DPP9: variants seen among roughly 807,000 people sequenced by gnomAD.
The protein encoded by DPP9 is dipeptidyl peptidase IV-related protein-2.
DPP9 carries 50 observed loss-of-function variants against 110.7 expected under a neutral mutation model. The ratio of observed to expected loss-of-function variants is 0.45; its 90% CI spans 0.36 to 0.57. DPP9 has a LOEUF of 0.57. Ranked by LOEUF, DPP9 falls within the 20% of genes least tolerant of loss-of-function variation. The pLI, the probability that DPP9 is intolerant of heterozygous loss-of-function variation, is 0.00. For missense variants in DPP9, 1,022 were observed against 1,217.9 expected (o/e 0.84, Z 2.39); for synonymous variants, 561 against 514.4 (o/e 1.09, Z -1.23).
In DPP9 at chr19:4,688,908, G is replaced by C. The variant is rs1233230845; in HGVS notation, c.1750-16C>G. The C allele has an allele frequency of 6.6e-7, 1 of 1,512,634 alleles. No homozygotes were observed. Among genetic ancestry groups the C allele is most frequent in the Admixed American group, 2.5e-5 (1 of 39,450 alleles). 93.7% of individuals were successfully genotyped at this position (1,512,634 alleles called of 1,614,324 possible). The stretch of plus-strand genomic sequence containing the variant: ...TGTCGAAGTTCTGGGGGTGGAATGG[G>C]GTGATGAGCTCCACGGGATGCCGCT... On this transcript the variant is annotated splice_polypyrimidine_tract_variant and intron_variant, in intron 15 of 21. Transcript: ENST00000262960.
intron 2 of DPP9, among the ~76,000 whole-genome samples, chr19:4,720,873 TG>T (rs1307877271): frequency 3.9e-5 from 6 of 152,200 alleles, no homozygotes; most frequent in Non-Finnish European, 7.4e-5. Flanking sequence ...AAACTTCCCA[TG>T]GAACAAGCAT....
At position 4,682,094 on chromosome 19, in the gene DPP9, C is replaced by T. The variant is rs1192480280; in HGVS notation, c.2474+602G>A. On this transcript the variant is annotated intron_variant, in intron 20 of 21. Transcript: ENST00000262960. This position sits in a 1 kb window ranked among gnomAD's most constrained non-coding sequence, Gnocchi z 7.1. ...CAATCTCCTGACCTCACGATCCGCC[C>T]GCCTCAGCCTCCCAGAGTGCTGGGA... Among the ~76,000 whole-genome samples, 4 of 152,016 alleles carry T rather than the reference C, an allele frequency of 2.6e-5. No individual in the cohort carries two copies. Among genetic ancestry groups the T allele is most frequent in the African/African-American group, 4.8e-5 (2 of 41,372 alleles).
chr19:4,685,490 G>T lies in DPP9; in HGVS notation c.2031+136C>A. Reference sequence around the variant, plus strand: ...AGGACCCTGTGTAGTCAGGGCAGGCGGGGTGGGCTGGGGCACCAGGCAGGT... The same window carrying T: ...AGGACCCTGTGTAGTCAGGGCAGGCTGGGTGGGCTGGGGCACCAGGCAGGT... On this transcript the variant is annotated intron_variant, in intron 17 of 21. Transcript: ENST00000262960. This position sits in a 1 kb window ranked among gnomAD's most constrained non-coding sequence, Gnocchi z 5.8. 1 of 990,680 alleles carries T rather than the reference G, an allele frequency of 1.0e-6. No individual in the cohort carries two copies. The highest frequency in any genetic ancestry group is 1.5e-6 in the Non-Finnish European group (1 of 664,620). 61.4% of individuals were successfully genotyped at this position (990,680 alleles called of 1,614,324 possible). A position where few individuals can be genotyped will look rare whatever the true frequency, so the allele number is the denominator to read the frequency against.
In DPP9 at chr19:4,682,031, G is replaced by C. The variant is rs1378256060; in HGVS notation, c.2474+665C>G. ...ACCCGGCTAATTTTTTGTATTTTTA[G>C]TAGAGACGGGGTTTCATCTTGTTAG... On this transcript the variant is annotated intron_variant, in intron 20 of 21. Coordinates refer to ENST00000262960, the MANE Select transcript of DPP9 (RefSeq NM_139159.5). This position sits in a 1 kb window ranked among gnomAD's most constrained non-coding sequence, Gnocchi z 7.1. Among the ~76,000 whole-genome samples the C allele has an allele frequency of 1.3e-5, 2 of 151,738 alleles. No individual in the cohort carries two copies. The highest frequency in any genetic ancestry group is 2.9e-5 in the Non-Finnish European group (2 of 67,946).
chr19:4,689,583 C>A lies in DPP9; in HGVS notation c.1736G>T (p.Cys579Phe). 6.4e-7 allele frequency: 1 copy of A among 1,564,972 alleles called. No homozygotes were observed. The highest frequency in any genetic ancestry group is 1.4e-5 in the African/African-American group (1 of 73,904). Residue 579 changes from cysteine to phenylalanine, a missense_variant, in exon 15 of 22, where the codon TGC becomes TTC. Transcript: ENST00000262960. The surrounding 1 kb of genome is among the most constrained non-coding windows in gnomAD (Gnocchi z 7.0). ...RLTTPGFSHS[C>F]SMSQNFDMFV... ...GGGCGGTCCCACCTGGCTCATGGAGCAGCTATGGGAGAAGCCGGGCGTGGT... is the reference window on the plus strand; with the variant it reads ...GGGCGGTCCCACCTGGCTCATGGAGAAGCTATGGGAGAAGCCGGGCGTGGT...
At chr19:4,690,465 C>T (rs1411775745) in intron 14 of DPP9, among the ~76,000 whole-genome samples, 2 of 152,210 alleles carry the variant, frequency 1.3e-5, no homozygotes, top group Non-Finnish European at 2.9e-5. Context: ...TCTCCTGGGA[C>T]AGCGGGGCAC....
In DPP9 at chr19:4,682,354, C is replaced by A. The variant is rs2090020588; in HGVS notation, c.2474+342G>T. Among the ~76,000 whole-genome samples, 1 of 152,214 alleles carries A rather than the reference C, an allele frequency of 6.6e-6. No homozygotes were observed. The highest frequency in any genetic ancestry group is 2.1e-4 in the South Asian group (1 of 4,832). ...GCACAAGACAGAGGCTGTGATGGGG[C>A]CTCCAGCAGGATGCAGGGGAGTGGG... On this transcript the variant is annotated intron_variant, in intron 20 of 21. Coordinates refer to ENST00000262960, the MANE Select transcript of DPP9 (RefSeq NM_139159.5). This position sits in a 1 kb window ranked among gnomAD's most constrained non-coding sequence, Gnocchi z 7.1.
intron 21 of DPP9, among the ~76,000 whole-genome samples, chr19:4,679,069 G>GCC (rs148632622): frequency 1.4e-5 from 2 of 146,860 alleles, no homozygotes; most frequent in African/African-American, 2.6e-5. Flanking sequence ...CTTACTGAGG[G>GCC]CCCCCCCTCC....
chr19:4,703,273 C>A (rs1000202622), intron 7 of DPP9, among the ~76,000 whole-genome samples: 1 of 152,000 alleles, frequency 6.6e-6, no homozygotes, highest in African/African-American at 2.4e-5. Flanking sequence ...GCAGAAATGC[C>A]CAGGGGCACC....
intron 7 of DPP9, among the ~76,000 whole-genome samples, chr19:4,703,657 G>A (rs1334730598): frequency 1.3e-5 from 2 of 150,174 alleles, no homozygotes; most frequent in Non-Finnish European, 3.0e-5. Context: ...CTCCCACATG[G>A]GTGAGACTCT....
intron 7 of DPP9, among the ~76,000 whole-genome samples, chr19:4,703,672 A>C (rs1390759500): frequency 6.9e-6 from 1 of 144,044 alleles, no homozygotes; most frequent in Non-Finnish European, 1.5e-5. Flanking sequence ...GACTCTCTCA[A>C]AAAAAAAAAA....
rs554674211 is a variant in DPP9, at chr19:4,687,945, C to T, written c.1885+812G>A. 2.6e-5 allele frequency among the ~76,000 whole-genome samples: 4 copies of T among 152,168 alleles called. No homozygotes were observed. The highest frequency in any genetic ancestry group is 6.5e-5 in the Admixed American group (1 of 15,288). ...CCCGAGTAGTGGGACTACAGGCGCC[C>T]GCCACCATGCTCGGCTAATTTTTTG... On this transcript the variant is annotated intron_variant, in intron 16 of 21. Transcript: ENST00000262960. This position sits in a 1 kb window ranked among gnomAD's most constrained non-coding sequence, Gnocchi z 4.7.
Position 4,676,303 on chromosome 19 carries a change from G to A in DPP9, c.*261C>T. On this transcript the variant is annotated 3_prime_UTR_variant, in exon 22 of 22. Transcript: ENST00000262960. This position sits in a 1 kb window ranked among gnomAD's most constrained non-coding sequence, Gnocchi z 4.0. ...AGCGTGTGACCTCCTCCTCCCAGAA[G>A]GCGGGGAGAGGAGGGGCTGGCCCGA... The A allele has an allele frequency of 1.9e-6, 1 of 514,714 alleles. No individual in the cohort carries two copies. The highest frequency in any genetic ancestry group is 3.2e-5 in the Admixed American group (1 of 31,002). 31.9% of individuals were successfully genotyped at this position (514,714 alleles called of 1,614,324 possible).
chr19:4,689,528 TGGAC>T lies in DPP9; in HGVS notation c.1749+38_1749+41del. On this transcript the variant is annotated intron_variant, in intron 15 of 21. Transcript: ENST00000262960. The surrounding 1 kb of genome is among the most constrained non-coding windows in gnomAD (Gnocchi z 7.0). ...AGGGACTGCTCTGGCTGGGAGCTGT[TGGAC>T]GGGCACAGGGCGGTGCCGTGAGGCT... The T allele has an allele frequency of 1.3e-6, 2 of 1,533,446 alleles. No individual in the cohort carries two copies. Among genetic ancestry groups the T allele is most frequent in the Non-Finnish European group, 1.7e-6 (2 of 1,144,922 alleles). The allele number at this position is 1,533,446 out of a possible 1,614,324, so 95.0% of individuals were successfully genotyped here. A position where few individuals can be genotyped will look rare whatever the true frequency, so the allele number is the denominator to read the frequency against.
intron 2 of DPP9, among the ~76,000 whole-genome samples, chr19:4,720,382 C>T (rs143809127): frequency 6.6e-6 from 1 of 152,324 alleles, no homozygotes; most frequent in Admixed American, 6.5e-5. Flanking sequence ...TCCTAGCACA[C>T]AGCTTCTGCA....
Position 4,714,308 on chromosome 19 carries a change from C to G in DPP9, c.86G>C (p.Arg29Thr), listed in dbSNP as rs774581971. 5.9e-6 allele frequency: 9 copies of G among 1,524,870 alleles called. No individual in the cohort carries two copies. Among genetic ancestry groups the G allele is most frequent in the Non-Finnish European group, 7.9e-6 (9 of 1,139,174 alleles). 94.5% of individuals were successfully genotyped at this position (1,524,870 alleles called of 1,614,324 possible). A position where few individuals can be genotyped will look rare whatever the true frequency, so the allele number is the denominator to read the frequency against. Residue 29 changes from arginine to threonine, a missense_variant, in exon 4 of 22, where the codon AGG becomes ACG. Transcript: ENST00000262960. ...SFSLNSEGAE[R>T]MATTGTPTAD... ...CGTTGGGGTCCCGGTGGTGGCCATCCTCTCAGCCCCCTCGGAATTCAGCGA... is the reference window on the plus strand; with the variant it reads ...CGTTGGGGTCCCGGTGGTGGCCATCGTCTCAGCCCCCTCGGAATTCAGCGA...
chr19:4,714,337 G>T lies in DPP9; in HGVS notation c.57C>A (p.Ser19Arg). 6.7e-7 allele frequency: 1 copy of T among 1,492,736 alleles called. No individual in the cohort carries two copies. Among genetic ancestry groups the T allele is most frequent in the Non-Finnish European group, 8.9e-7 (1 of 1,122,498 alleles). The allele number at this position is 1,492,736 out of a possible 1,614,324, so 92.5% of individuals were successfully genotyped here. ...CAGCCCCCTCGGAATTCAGCGAGAA[G>T]CTGCGGGGAGGAAGCAAAGACTATG... ...LDKENTGSWRSFSLNSEGAER... is the reference protein window; with the variant it reads ...LDKENTGSWRRFSLNSEGAER... The change falls in exon 4 of 22, where the codon AGC becomes AGA. Residue 19 changes from serine to arginine, a missense_variant and splice_region_variant. Physicochemically the swap from Ser to Arg is moderately radical, Grantham distance 110 (BLOSUM62 -1). Around this residue, in one of 3 missense-constraint regions of DPP9, gnomAD observed 810 missense variants for 920.6 expected, o/e 0.88. Coordinates refer to ENST00000262960, the MANE Select transcript of DPP9 (RefSeq NM_139159.5).
In DPP9 at chr19:4,682,733, C is replaced by T; in HGVS notation, c.2437G>A (p.Gly813Ser). The T allele has an allele frequency of 6.2e-7, 1 of 1,609,142 alleles. No individual in the cohort carries two copies. The highest frequency in any genetic ancestry group is 2.2e-5 in the East Asian group (1 of 44,708). ...TTCTCCACGTGCAGGGCCACGGAACCCGCCTCATAGCCGTGCTGGTTGTTC... is the reference window on the plus strand; with the variant it reads ...TTCTCCACGTGCAGGGCCACGGAACTCGCCTCATAGCCGTGCTGGTTGTTC... ...PENNQHGYEA[G>S]SVALHVEKLP... The change falls in exon 20 of 22, where the codon GGT becomes AGT. Residue 813 changes from glycine to serine, a missense_variant. By Grantham distance (56) the Gly-to-Ser change is moderately conservative. Transcript: ENST00000262960. The surrounding 1 kb of genome is among the most constrained non-coding windows in gnomAD (Gnocchi z 7.1).
rs572629348 is a variant in DPP9 at position 4,676,244 on chromosome 19, C to G, written c.*320G>C. ...GCCCCAGGCGGAAGGCAGCCCGCTC[C>G]TCTGAGTCTCTTCTGGCCTCTCCAG... On this transcript the variant is annotated 3_prime_UTR_variant, in exon 22 of 22. Transcript: ENST00000262960. This position sits in a 1 kb window ranked among gnomAD's most constrained non-coding sequence, Gnocchi z 4.0. 16 of 342,464 alleles carry G rather than the reference C, an allele frequency of 4.7e-5. No individual in the cohort carries two copies. The highest frequency in any genetic ancestry group is 3.2e-4 in the African/African-American group (15 of 47,518). The allele number at this position is 342,464 out of a possible 1,614,324, so 21.2% of individuals were successfully genotyped here.
Sources: gnomAD v4.1 joint callset for allele counts (sites outside exome capture counted in the v4.1 genomes callset) on GRCh38, gnomAD v4.1.1 for gene constraint, gnomAD v4.1.1 regional missense constraint, Gnocchi (gnomAD v3.1) non-coding constraint, MANE v1.5 for transcripts, NCBI Gene and HGNC (gene_info 2026-07-23, HGNC 2026-07-21) for gene names.